The following L2HGDH variants were observed in gnomAD, a reference collection of about 807,000 sequenced individuals.
L2HGDH encodes L-2-hydroxyglutarate dehydrogenase, mitochondrial.
A neutral mutation model predicts 51.5 loss-of-function variants in L2HGDH; 34 were observed. The observed-to-expected ratio is 0.66, with a 90% confidence interval of 0.50 to 0.88. The LOEUF (loss-of-function observed/expected upper bound fraction) is 0.88. L2HGDH is among the 40% of genes least tolerant of loss of function. L2HGDH has a pLI of 0.00. For synonymous variants in L2HGDH, 198 were observed against 197.9 expected, an observed-to-expected ratio of 1.00 and a Z score of -0.01; for missense variants, 558 against 571.9, an observed-to-expected ratio of 0.98 and a Z score of 0.25.
chr14:50,311,957 T>TG (rs1001238438), intron 1 of L2HGDH, 54 bp downstream of exon 1: 19 of 1,538,370 alleles, frequency 1.2e-5, no homozygotes, highest in Non-Finnish European at 1.7e-5. Context: ...CACCACCAGG[T>TG]GCCTCCGCGA....
intron 4 of L2HGDH, chr14:50,293,211 T>C (rs973196402): frequency 4.3e-6 from 3 of 702,182 alleles, no homozygotes; most frequent in African/African-American, 3.5e-5. Context: ...ATACCTGATA[T>C]CATAAAGGCA....
Position 50,246,863 on chromosome 14 carries a change from C to G in L2HGDH, c.*195G>C, listed in dbSNP as rs530690368. 8.4e-4 allele frequency: 763 copies of G among 906,418 alleles called. 1 individual carries two copies. Among genetic ancestry groups the G allele is most frequent in the Non-Finnish European group, 1.1e-3 (712 of 633,532 alleles). The allele number at this position is 906,418 out of a possible 1,614,324, so 56.1% of individuals were successfully genotyped here. A position where few individuals can be genotyped will look rare whatever the true frequency, so the allele number is the denominator to read the frequency against. ...TCAGCCTCCTGAGTAGCTGAGATTACAGGCATGCGCCACCATGCCTGGCTA... is the reference window on the plus strand; with the variant it reads ...TCAGCCTCCTGAGTAGCTGAGATTAGAGGCATGCGCCACCATGCCTGGCTA... On this transcript the variant is annotated 3_prime_UTR_variant, in exon 10 of 10. Transcript: ENST00000267436.
At chr14:50,294,363 A>T (rs777332176) in intron 3 of L2HGDH, 117 bp from the exon 4 acceptor site, 16 of 992,134 alleles carry the variant, frequency 1.6e-5, no homozygotes, top group African/African-American at 5.0e-5. Flanking sequence ...TTAATTTTTT[A>T]AAATTATTTT....
rs554000721 is a variant in L2HGDH at position 50,311,956 on chromosome 14, G to A, written c.140+55C>T. The A allele has an allele frequency of 3.9e-6, 6 of 1,538,116 alleles. No individual in the cohort carries two copies. In the South Asian group the frequency reaches 6.0e-5, roughly 15 times the overall value. On this transcript the variant is annotated intron_variant, in intron 1 of 9. Coordinates refer to ENST00000267436, the MANE Select transcript of L2HGDH (RefSeq NM_024884.3). Reference sequence around the variant, plus strand: ...AACAGGGGCACAGGTCCACCACCAGGTGCCTCCGCGAGGGGCAGCAGCGCA... The same window carrying A: ...AACAGGGGCACAGGTCCACCACCAGATGCCTCCGCGAGGGGCAGCAGCGCA...
chr14:50,285,766 T>C (rs994745241), intron 4 of L2HGDH, among the ~76,000 whole-genome samples: 4 of 152,174 alleles, frequency 2.6e-5, no homozygotes, highest in African/African-American at 9.7e-5. Context: ...CACTCAAACA[T>C]TTACTGAAGG....
rs375704586 is a variant in L2HGDH at position 50,307,667 on chromosome 14, A to G, written c.140+4344T>C. On this transcript the variant is annotated intron_variant, in intron 1 of 9. Coordinates refer to ENST00000267436, the MANE Select transcript of L2HGDH (RefSeq NM_024884.3). Reference sequence around the variant, plus strand: ...ACCCAGCTTCACTAATTATCAACTCACAGCAAATCTTGCTTCTTCTATACT... The same window carrying G: ...ACCCAGCTTCACTAATTATCAACTCGCAGCAAATCTTGCTTCTTCTATACT... Among the ~76,000 whole-genome samples the G allele has an allele frequency of 1.6e-4, 25 of 152,352 alleles. 1 individual carries two copies. The East Asian group carries it at 4.8e-3, about 29-fold the overall frequency.
At chr14:50,247,356 G>A in intron 9 of L2HGDH, 103 bp from the exon 10 acceptor site, 1 of 1,517,870 alleles carries the variant, frequency 6.6e-7, no homozygotes, top group African/African-American at 1.4e-5. Context: ...TCTTCTAAAT[G>A]CACAATTATA....
At chr14:50,296,845 T>C (rs1469127747) in intron 3 of L2HGDH, among the ~76,000 whole-genome samples, 1 of 152,114 alleles carries the variant, frequency 6.6e-6, no homozygotes, top group African/African-American at 2.4e-5. Context: ...CCAATATCCC[T>C]TAAAAATATT....
At chr14:50,261,017 T>G (rs1252241952) in intron 9 of L2HGDH, among the ~76,000 whole-genome samples, 1 of 151,884 alleles carries the variant, frequency 6.6e-6, no homozygotes, top group African/African-American at 2.4e-5. Context: ...CTCAGAAGGC[T>G]AAGTCAGGAG....
chr14:50,294,182 TG>T lies in L2HGDH; in HGVS notation c.472del (p.Gln158ArgfsTer7). ...CAGCCTCAGGCCCGGGACACCATTC[TG>T]GAGGCCTTTCTCATATAGGGCCTGA... is the stretch of plus-strand genomic sequence containing the variant. ...RLQALYEKGLQNGVPGLRLIQ... is the reference protein window; with the variant it reads ...RLQALYEKGLXNGVPGLRLIQ... On this transcript the variant is annotated frameshift_variant, in exon 4 of 10. Transcript: ENST00000267436. LOFTEE classifies it high-confidence loss of function. 6.2e-7 allele frequency: 1 copy of T among 1,613,928 alleles called. No individual in the cohort carries two copies. The highest frequency in any genetic ancestry group is 8.5e-7 in the Non-Finnish European group (1 of 1,179,938).
At chr14:50,264,448 G>A (rs976317882) in intron 9 of L2HGDH, among the ~76,000 whole-genome samples, 9 of 152,170 alleles carry the variant, frequency 5.9e-5, no homozygotes, top group Non-Finnish European at 7.3e-5. Flanking sequence ...CAAGGACTCT[G>A]ATTGTTACCA....
rs1269189626 is a variant in L2HGDH at position 50,293,225 on chromosome 14, C to G, written c.540+890G>C. The G allele has an allele frequency of 4.3e-6, 3 of 702,316 alleles. No individual in the cohort carries two copies. The East Asian group carries it at 8.0e-5, about 19-fold the overall frequency. The allele number at this position is 702,316 out of a possible 1,614,324, so 43.5% of individuals were successfully genotyped here. ...CATACCTGATATCATAAAGGCAATA[C>G]TGCAGCACAGTGGGAAAATAATGGT... On this transcript the variant is annotated intron_variant, in intron 4 of 9. Coordinates refer to ENST00000267436, the MANE Select transcript of L2HGDH (RefSeq NM_024884.3).
At chr14:50,294,002 G>A (rs2029889691) in intron 4 of L2HGDH, 113 bp downstream of exon 4, 5 of 1,264,324 alleles carry the variant, frequency 4.0e-6, no homozygotes, top group Middle Eastern at 4.7e-4. Context: ...CTACTTCTGT[G>A]ACAGGATTAT....
intron 1 of L2HGDH, among the ~76,000 whole-genome samples, chr14:50,310,232 T>C (rs1293748657): frequency 6.6e-6 from 1 of 151,916 alleles, no homozygotes; most frequent in East Asian, 1.9e-4. Flanking sequence ...TACTGTTTAT[T>C]TATTTTTATT....
At chr14:50,259,078 C>T (rs188725938) in intron 9 of L2HGDH, among the ~76,000 whole-genome samples, 1 of 146,920 alleles carries the variant, frequency 6.8e-6, no homozygotes, top group Non-Finnish European at 1.5e-5. Flanking sequence ...TGGTCTTGAA[C>T]TCCTCAGGTC....
intron 9 of L2HGDH, among the ~76,000 whole-genome samples, chr14:50,254,268 C>T (rs775225494): frequency 9.2e-5 from 14 of 151,920 alleles, no homozygotes; most frequent in Non-Finnish European, 1.9e-4. Context: ...GATTATTATG[C>T]ATTACATGCC....
intron 8 of L2HGDH, 80 bp downstream of exon 8, chr14:50,267,673 G>A (rs907978937): frequency 2.8e-6 from 3 of 1,066,268 alleles, no homozygotes; most frequent in Admixed American, 3.8e-5. Flanking sequence ...TACCCAATAA[G>A]TAGAGTATCA....
intron 3 of L2HGDH, among the ~76,000 whole-genome samples, chr14:50,298,456 C>T (rs1358556441): frequency 1.3e-5 from 2 of 151,846 alleles, no homozygotes; most frequent in Non-Finnish European, 2.9e-5. Context: ...GCTGGGATTA[C>T]AGGCATGAGC....
chr14:50,269,410 G>T, intron 6 of L2HGDH, 80 bp from the exon 7 acceptor site: 1 of 1,328,904 alleles, frequency 7.5e-7, no homozygotes, highest in Non-Finnish European at 1.1e-6. Flanking sequence ...TGATAGAAAA[G>T]AAAAAAAGGT....
Sources: gnomAD v4.1 joint callset for allele counts (sites outside exome capture counted in the v4.1 genomes callset) on GRCh38, gnomAD v4.1.1 for gene constraint, MANE v1.5 for transcripts, NCBI Gene and HGNC (gene_info 2026-07-23, HGNC 2026-07-21) for gene names.